TASOR: variants seen among roughly 807,000 people sequenced by gnomAD.
TASOR encodes protein TASOR.
In TASOR, 53 loss-of-function variants were observed where a neutral mutation model predicts 178.6. The observed-to-expected ratio is 0.30, with a 90% CI of 0.24 to 0.37. The LOEUF (loss-of-function observed/expected upper bound fraction) is 0.37. Among genes scored for constraint, TASOR ranks in the 10% least tolerant of loss-of-function variants. TASOR has a pLI of 1.00. For missense variants in TASOR, 1,815 were observed against 1,971.4 expected (o/e 0.92, Z 1.50); for synonymous variants, 713 against 696.2 (o/e 1.02, Z -0.38).
At chr3:56,623,804 C>T in intron 23 of TASOR, 1 of 1,551,202 alleles carries the variant, frequency 6.4e-7, no homozygotes, top group Non-Finnish European at 8.7e-7. Context: ...TTGGGAAATC[C>T]CAACTCCCAG....
At position 56,623,268 on chromosome 3, in the gene TASOR, G is replaced by A. The variant is rs776829350; in HGVS notation, c.4782C>T (p.Asn1594=). Reference sequence around the variant, plus strand: ...TTAATTGACTATGATAAACCTGAAAGTTACTATATGAATCTTGTTCTGTTG... The same window carrying A: ...TTAATTGACTATGATAAACCTGAAAATTACTATATGAATCTTGTTCTGTTG... ...SNSTEQDSYS[N]FQVYHSQLNM... is the part of the protein sequence containing the mutation. The change falls in exon 24 of 24, where the codon AAC becomes AAT. Residue 1594 remains asparagine (N), a synonymous_variant. Coordinates refer to ENST00000683822, the MANE Select transcript of TASOR (RefSeq NM_001365635.2). 15 of 1,613,324 alleles carry A rather than the reference G, an allele frequency of 9.3e-6. 1 individual carries two copies. In the South Asian group the frequency reaches 1.3e-4, roughly 14 times the overall value.
Position 56,627,600 on chromosome 3 carries a change from G to C in TASOR, c.4012C>G (p.Pro1338Ala). The C allele has an allele frequency of 1.2e-6, 2 of 1,613,982 alleles. No homozygotes were observed. Among genetic ancestry groups the C allele is most frequent in the African/African-American group, 1.3e-5 (1 of 75,030 alleles). Residue 1338 changes from proline (P) to alanine (A), a missense_variant, in exon 20 of 24, where the codon CCA becomes GCA. By Grantham distance (27) the Pro-to-Ala change is conservative. Coordinates refer to ENST00000683822, the MANE Select transcript of TASOR (RefSeq NM_001365635.2). Reference protein sequence around the residue: ...FIVSDESILNPEVVTVENLKN... With the variant: ...FIVSDESILNAEVVTVENLKN... ...ATCTTACCAACTGTGACAACCTCTG[G>C]GTTTAGAATTGATTCATCAGATACG...
chr3:56,675,989 A>G (rs1430759008), intron 1 of TASOR, among the ~76,000 whole-genome samples: 1 of 152,216 alleles, frequency 6.6e-6, no homozygotes, highest in Non-Finnish European at 1.5e-5. Flanking sequence ...TGCACGAAAA[A>G]AATAGTCAAC....
chr3:56,634,329 C>A (rs538925566), intron 17 of TASOR, among the ~76,000 whole-genome samples: 1 of 152,302 alleles, frequency 6.6e-6, no homozygotes, highest in East Asian at 1.9e-4. Context: ...CTTGCTCAAT[C>A]CCTGTATTTA....
chr3:56,682,164 A>G (rs970454023), intron 1 of TASOR, among the ~76,000 whole-genome samples: 1 of 152,206 alleles, frequency 6.6e-6, no homozygotes, highest in Admixed American at 6.5e-5. Flanking sequence ...ACTAATAGAG[A>G]TTTCTAAATA....
intron 3 of TASOR, among the ~76,000 whole-genome samples, chr3:56,670,538 G>A (rs958694561): frequency 2.6e-5 from 4 of 152,056 alleles, no homozygotes; most frequent in Non-Finnish European, 5.9e-5. Flanking sequence ...TGCCAGGTGT[G>A]ACAGATACTC....
chr3:56,648,631 C>CAAAAAAAAAAAAAAA (rs56218279), intron 13 of TASOR, among the ~76,000 whole-genome samples, 191 bp downstream of exon 13: 1 of 84,566 alleles, frequency 1.2e-5, no homozygotes, highest in African/African-American at 4.0e-5. Context: ...AACTCTGTAT[C>CAAAAAAAAAAAAAAA]AAAAAAAAAA....
Position 56,621,715 on chromosome 3 carries a change from CTTA to C in TASOR, c.*1319_*1321del. On this transcript the variant is annotated 3_prime_UTR_variant, in exon 24 of 24. Coordinates refer to ENST00000683822, the MANE Select transcript of TASOR (RefSeq NM_001365635.2). ...GTATTTTTCAAATAGCCTAGATTTA[CTTA>C]TTTTTTTAAATGCTCATTAAAAACT... The C allele has an allele frequency of 1.4e-6, 1 of 725,032 alleles. No individual in the cohort carries two copies. The allele number at this position is 725,032 out of a possible 1,614,324, so 44.9% of individuals were successfully genotyped here. A position where few individuals can be genotyped will look rare whatever the true frequency, so the allele number is the denominator to read the frequency against.
rs747833177 is a variant in TASOR at position 56,628,496 on chromosome 3, T to C, written c.3866A>G (p.His1289Arg). Residue 1289 changes from histidine (H) to arginine (R), a missense_variant, in exon 19 of 24, where the codon CAC (histidine) becomes CGC (arginine). Transcript: ENST00000683822. ...GAATTTGACTTAATAGTCTACCTTG[T>C]GAATGAAACCTGCAATGTCTTCATT... ...IQNEDIAGFI[H>R]KIPGLVTLKK... 3.8e-6 allele frequency: 6 copies of C among 1,599,598 alleles called. No individual in the cohort carries two copies. The African/African-American group carries it at 8.1e-5, about 22-fold the overall frequency.
chr3:56,633,206 A>G lies in TASOR; in HGVS notation c.3585T>C (p.Ser1195=). The G allele has an allele frequency of 6.2e-7, 1 of 1,614,184 alleles. No homozygotes were observed. The highest frequency in any genetic ancestry group is 1.1e-5 in the South Asian group (1 of 91,080). ...EPVEETTKSP[S]DVNISAQPAL... ...CTGGTTGAGCAGAAATGTTTACATC[A>G]CTGGGGGATTTTGTTGTTTCTTCTA... is the stretch of plus-strand genomic sequence containing the variant. The change falls in exon 18 of 24, where the codon AGT becomes AGC. Residue 1195 remains serine, a synonymous_variant. Coordinates refer to ENST00000683822, the MANE Select transcript of TASOR (RefSeq NM_001365635.2).
chr3:56,658,440 C>A (rs539909579), intron 11 of TASOR, among the ~76,000 whole-genome samples: 66 of 152,282 alleles, frequency 4.3e-4, no homozygotes, highest in African/African-American at 1.6e-3. Context: ...AACACAAGAA[C>A]CAAATAGATT....
intron 18 of TASOR, chr3:56,628,929 ATTTTTTTTTTT>A (rs58944810): frequency 0.04 from 4,864 of 122,316 alleles, 116 homozygotes; most frequent in Middle Eastern, 0.093. Context: ...TACCAGGCTA[ATTTTTTTTTTT>A]TTTTTTTTTT....
rs1374624822 is a variant in TASOR, at chr3:56,683,265, C to T, written c.-259G>A. The T allele has an allele frequency of 4.9e-6, 2 of 406,224 alleles. No individual in the cohort carries two copies. The highest frequency in any genetic ancestry group is 7.1e-5 in the South Asian group (1 of 14,180). 25.2% of individuals were successfully genotyped at this position (406,224 alleles called of 1,614,324 possible). On this transcript the variant is annotated 5_prime_UTR_variant, in exon 1 of 24. Transcript: ENST00000683822. ...CTTCCCCCGCCACTCAACGTGCGCGCGTCGGGGCCGGGAGGGGGCGGGGCC... is the reference window on the plus strand; with the variant it reads ...CTTCCCCCGCCACTCAACGTGCGCGTGTCGGGGCCGGGAGGGGGCGGGGCC...
intron 16 of TASOR, among the ~76,000 whole-genome samples, chr3:56,639,152 T>C (rs1198755887): frequency 6.6e-6 from 1 of 152,226 alleles, no homozygotes; most frequent in Non-Finnish European, 1.5e-5. Context: ...TCATCAAGTT[T>C]TATAAATTCT....
chr3:56,674,264 G>T (rs549832475), intron 1 of TASOR, among the ~76,000 whole-genome samples: 1 of 149,714 alleles, frequency 6.7e-6, no homozygotes, highest in Admixed American at 6.7e-5. Flanking sequence ...TCTTTGGGAG[G>T]CCAAGGCAGC....
In TASOR at chr3:56,648,871, T is replaced by G. The variant is rs765159447; in HGVS notation, c.1464A>C (p.Arg488=). Reference sequence around the variant, plus strand: ...GAAATAGAAACAAAGCATGTAGGACTCGAGACTTGGCAGTCTGATATTCTA... The same window carrying G: ...GAAATAGAAACAAAGCATGTAGGACGCGAGACTTGGCAGTCTGATATTCTA... The part of the protein sequence containing the change: ...PPYEYQTAKS[R]VLHALFLFQE... The change falls in exon 13 of 24, where the codon CGA becomes CGC. Residue 488 remains arginine, a synonymous_variant. Transcript: ENST00000683822. The G allele has an allele frequency of 4.3e-6, 7 of 1,612,264 alleles. No individual in the cohort carries two copies. The highest frequency in any genetic ancestry group is 1.6e-4 in the Middle Eastern group (1 of 6,070).
Position 56,681,641 on chromosome 3 carries a change from A to G in TASOR, c.331+1035T>C, listed in dbSNP as rs1053961652. Among the ~76,000 whole-genome samples, 7 of 152,290 alleles carry G rather than the reference A, an allele frequency of 4.6e-5. 1 individual carries two copies. The highest frequency in any genetic ancestry group is 1.3e-4 in the Admixed American group (2 of 15,304). ...AAGATACGGGAAAAAAACAAATCCTATTTTTTTCCAAAGTAAATAATGAAA... is the reference window on the plus strand; with the variant it reads ...AAGATACGGGAAAAAAACAAATCCTGTTTTTTTCCAAAGTAAATAATGAAA... On this transcript the variant is annotated intron_variant, in intron 1 of 23. Transcript: ENST00000683822.
chr3:56,630,469 A>G (rs957714068), intron 18 of TASOR, among the ~76,000 whole-genome samples: 38 of 152,230 alleles, frequency 2.5e-4, no homozygotes, highest in African/African-American at 9.2e-4. Context: ...TTTATTCTAT[A>G]TAAATGACAG....
intron 1 of TASOR, among the ~76,000 whole-genome samples, chr3:56,674,631 A>G (rs1185020016): frequency 1.3e-5 from 2 of 152,224 alleles, no homozygotes; most frequent in African/African-American, 4.8e-5. Context: ...TTAGAGTCAA[A>G]GCTGGACACA....
Sources: gnomAD v4.1 joint callset for allele counts (sites outside exome capture counted in the v4.1 genomes callset) on GRCh38, gnomAD v4.1.1 for gene constraint, MANE v1.5 for transcripts, NCBI Gene and HGNC (gene_info 2026-07-23, HGNC 2026-07-21) for gene names.